AGAP1: variants seen among roughly 807,000 people sequenced by gnomAD.
AGAP1 encodes arf-GAP with GTPase, ANK repeat and PH domain-containing protein 1.
A neutral mutation model predicts 105.3 loss-of-function variants in AGAP1; 29 were observed. The ratio of observed to expected loss-of-function variants is 0.28; its 90% CI spans 0.21 to 0.38. The LOEUF (loss-of-function observed/expected upper bound fraction) is 0.38, where lower values mean the gene tolerates loss of function less well. Ranked by LOEUF, AGAP1 falls within the 10% of genes least tolerant of loss-of-function variation. AGAP1 has a pLI of 1.00. For synonymous variants in AGAP1, 509 were observed against 485.9 expected (o/e 1.05, Z -0.63); for missense variants, 998 against 1,165.1 (o/e 0.86, Z 2.09).
intron 5 of AGAP1, among the ~76,000 whole-genome samples, chr2:235,749,925 A>G (rs1953291269): frequency 6.6e-6 from 1 of 152,222 alleles, no homozygotes; most frequent in Non-Finnish European, 1.5e-5. Flanking sequence ...GGGCTCAGTG[A>G]GCATTTATTA....
chr2:236,118,421 A>T (rs1287364471), intron 16 of AGAP1, among the ~76,000 whole-genome samples: 1 of 120,624 alleles, frequency 8.3e-6, no homozygotes, highest in Non-Finnish European at 1.6e-5. Flanking sequence ...ATGGAGTCTC[A>T]TTCTGTTACC....
rs1415905622 is a variant in AGAP1, at chr2:235,691,266, G to GT, written c.164-17913_164-17912insT. ...GCATAGGGCTCTGTGCCTGGCCCCA[G>GT]GACTGTCATATCCAGGGAAAGGTCA... On this transcript the variant is annotated intron_variant, in intron 1 of 17. Coordinates refer to ENST00000304032, the MANE Select transcript of AGAP1 (RefSeq NM_001037131.3). The surrounding 1 kb of genome is among the most constrained non-coding windows in gnomAD (Gnocchi z 4.4). Among the ~76,000 whole-genome samples the GT allele has an allele frequency of 6.6e-6, 1 of 152,150 alleles. No individual in the cohort carries two copies. The highest frequency in any genetic ancestry group is 6.5e-5 in the Admixed American group (1 of 15,278).
intron 1 of AGAP1, among the ~76,000 whole-genome samples, chr2:235,591,146 GC>G (rs1945326810): frequency 1.3e-5 from 2 of 152,156 alleles, no homozygotes; most frequent in African/African-American, 4.8e-5. Context: ...CTCCCGAGTA[GC>G]TGGGATTACA....
rs2055447296 is a variant in AGAP1 at position 235,989,114 on chromosome 2, G to A, written c.1645+20491G>A. Among the ~76,000 whole-genome samples, 1 of 152,188 alleles carries A rather than the reference G, an allele frequency of 6.6e-6. No homozygotes were observed. On this transcript the variant is annotated intron_variant, in intron 13 of 17. Transcript: ENST00000304032. This position sits in a 1 kb window ranked among gnomAD's most constrained non-coding sequence, Gnocchi z 4.4. ...TCAAATAATAATGTGAGATGAAGAT[G>A]ATGATGATGGTTGTTGTTATTTAAA...
chr2:235,660,178 C>T lies in AGAP1; in HGVS notation c.164-49001C>T, dbSNP rs957291575. ...GGGGGCGGCCACCCAAGATCAGCTG[C>T]GGCTGAGGATTTTTGTGGCTAGGGG... On this transcript the variant is annotated intron_variant, in intron 1 of 17. Coordinates refer to ENST00000304032, the MANE Select transcript of AGAP1 (RefSeq NM_001037131.3). This position sits in a 1 kb window ranked among gnomAD's most constrained non-coding sequence, Gnocchi z 5.3. Among the ~76,000 whole-genome samples the T allele has an allele frequency of 4.6e-5, 7 of 152,124 alleles. No homozygotes were observed. The highest frequency in any genetic ancestry group is 1.7e-4 in the African/African-American group (7 of 41,418).
At chr2:235,916,194 A>T (rs2051875132) in intron 11 of AGAP1, among the ~76,000 whole-genome samples, 2 of 152,190 alleles carry the variant, frequency 1.3e-5, no homozygotes, top group African/African-American at 4.8e-5. Context: ...TCCAAAAGAT[A>T]TTCAGGCCTG....
intron 1 of AGAP1, among the ~76,000 whole-genome samples, chr2:235,679,710 G>A (rs1400403728): frequency 6.6e-6 from 1 of 152,188 alleles, no homozygotes. Context: ...TCCCTGCTGT[G>A]CCTTCTCCTG....
rs888794199 is a variant in AGAP1 at position 236,009,587 on chromosome 2, C to T, written c.1646-26974C>T. On this transcript the variant is annotated intron_variant, in intron 13 of 17. Coordinates refer to ENST00000304032, the MANE Select transcript of AGAP1 (RefSeq NM_001037131.3). The surrounding 1 kb of genome is among the most constrained non-coding windows in gnomAD (Gnocchi z 4.2). The stretch of plus-strand genomic sequence containing the variant: ...CTTTTCTTAGAGGTACAAATTTACG[C>T]TCCCTTCTATGAATAGAGAGGGCTA... Among the ~76,000 whole-genome samples the T allele has an allele frequency of 1.3e-5, 2 of 152,202 alleles. No individual in the cohort carries two copies. Among genetic ancestry groups the T allele is most frequent in the Non-Finnish European group, 2.9e-5 (2 of 68,040 alleles).
Position 235,552,804 on chromosome 2 carries a change from C to T in AGAP1, c.163+57955C>T, listed in dbSNP as rs1943855525. Reference sequence around the variant, plus strand: ...AGAAAGCCAGCTGCAGAATGCAGTGCCTGACAGAGTGTGATGGGCCCCATC... The same window carrying T: ...AGAAAGCCAGCTGCAGAATGCAGTGTCTGACAGAGTGTGATGGGCCCCATC... On this transcript the variant is annotated intron_variant, in intron 1 of 17. Coordinates refer to ENST00000304032, the MANE Select transcript of AGAP1 (RefSeq NM_001037131.3). This position sits in a 1 kb window ranked among gnomAD's most constrained non-coding sequence, Gnocchi z 5.9. Among the ~76,000 whole-genome samples, 4 of 152,296 alleles carry T rather than the reference C, an allele frequency of 2.6e-5. No homozygotes were observed. In the South Asian group the frequency reaches 8.3e-4, roughly 32 times the overall value.
At chr2:235,921,688 TC>T (rs2125106636) in intron 11 of AGAP1, among the ~76,000 whole-genome samples, 2 of 152,296 alleles carry the variant, frequency 1.3e-5, no homozygotes, top group African/African-American at 4.8e-5. Flanking sequence ...ATGGAAAATC[TC>T]TTAACTAAAC....
chr2:236,029,912 A>C (rs1258309583), intron 13 of AGAP1, among the ~76,000 whole-genome samples: 1 of 150,734 alleles, frequency 6.6e-6, no homozygotes, highest in Non-Finnish European at 1.5e-5. Context: ...CTAATTTTCA[A>C]ATTTTTTGTA....
chr2:235,971,014 C>G lies in AGAP1; in HGVS notation c.1645+2391C>G, dbSNP rs546457217. 6.6e-6 allele frequency among the ~76,000 whole-genome samples: 1 copy of G among 152,188 alleles called. No individual in the cohort carries two copies. The highest frequency in any genetic ancestry group is 1.9e-4 in the East Asian group (1 of 5,196). On this transcript the variant is annotated intron_variant, in intron 13 of 17. Transcript: ENST00000304032. The surrounding 1 kb of genome is among the most constrained non-coding windows in gnomAD (Gnocchi z 4.8). ...CATGGAAACTCCAATATTAGGAAAT[C>G]ACAGGTGTCTCAAACATGGATGTGT...
rs1956878264 is a variant in AGAP1, at chr2:235,789,990, G to A, written c.674-7769G>A. On this transcript the variant is annotated intron_variant, in intron 6 of 17. Coordinates refer to ENST00000304032, the MANE Select transcript of AGAP1 (RefSeq NM_001037131.3). The surrounding 1 kb of genome is among the most constrained non-coding windows in gnomAD (Gnocchi z 4.2). ...ACTCTGATGGTTTAGAATTTGTCCT[G>A]TTGAAATGTGGAAGTAGCTGGACCA... is the stretch of plus-strand genomic sequence containing the variant. Among the ~76,000 whole-genome samples, 1 of 152,170 alleles carries A rather than the reference G, an allele frequency of 6.6e-6. No homozygotes were observed. The highest frequency in any genetic ancestry group is 2.4e-5 in the African/African-American group (1 of 41,448).
intron 1 of AGAP1, among the ~76,000 whole-genome samples, chr2:235,679,890 C>A (rs1948967316): frequency 6.6e-6 from 1 of 152,214 alleles, no homozygotes; most frequent in South Asian, 2.1e-4. Flanking sequence ...TAGTAAAGGT[C>A]ATTTGGTGAA....
intron 13 of AGAP1, among the ~76,000 whole-genome samples, chr2:235,999,991 T>A (rs2056044853): frequency 6.6e-6 from 1 of 152,138 alleles, no homozygotes. Flanking sequence ...CCATTGATCC[T>A]GCTTCTAATG....
intron 1 of AGAP1, among the ~76,000 whole-genome samples, chr2:235,648,737 A>G (rs1223252006): frequency 7.0e-6 from 1 of 142,034 alleles, no homozygotes; most frequent in Admixed American, 7.1e-5. Context: ...AAAAAAAAAC[A>G]TTAGCTGGGC....
intron 9 of AGAP1, among the ~76,000 whole-genome samples, chr2:235,863,661 T>C (rs773411801): frequency 1.3e-5 from 2 of 151,912 alleles, no homozygotes; most frequent in Non-Finnish European, 2.9e-5. Flanking sequence ...AAGGCCCCGG[T>C]GGGGAGAGCA....
At chr2:235,527,972 C>T (rs1000865370) in intron 1 of AGAP1, among the ~76,000 whole-genome samples, 1 of 152,154 alleles carries the variant, frequency 6.6e-6, no homozygotes, top group African/African-American at 2.4e-5. Flanking sequence ...ACAGATGTGT[C>T]ATAACTAGCC....
At chr2:236,071,022 A>G (rs1443669039) in intron 16 of AGAP1, among the ~76,000 whole-genome samples, 2 of 152,218 alleles carry the variant, frequency 1.3e-5, no homozygotes, top group African/African-American at 4.8e-5. Flanking sequence ...CAAAGAGAGC[A>G]TGTTCTGAGT....
Sources: gnomAD v4.1 joint callset for allele counts (sites outside exome capture counted in the v4.1 genomes callset) on GRCh38, gnomAD v4.1.1 for gene constraint, Gnocchi (gnomAD v3.1) non-coding constraint, MANE v1.5 for transcripts, NCBI Gene and HGNC (gene_info 2026-07-23, HGNC 2026-07-21) for gene names.